The following MAF variants were observed in gnomAD, a reference collection of about 807,000 sequenced individuals.
The protein encoded by MAF is MAF bZIP transcription factor, also known as transcription factor Maf.
MAF carries 10 observed loss-of-function variants against 22.0 expected under a neutral mutation model. The observed-to-expected ratio is 0.45, with a 90% CI of 0.28 to 0.77. MAF has a LOEUF of 0.77. Ranked by LOEUF, MAF falls within the 30% of genes least tolerant of loss-of-function variation. The pLI, the probability that MAF is intolerant of heterozygous loss-of-function variation, is 0.12. For synonymous variants in MAF, 337 were observed against 255.8 expected, an observed-to-expected ratio of 1.32 and a Z score of -3.03; for missense variants, 544 against 548.4, an observed-to-expected ratio of 0.99 and a Z score of 0.08.
At chr16:79,546,762 T>TGC in the MAF span, among the ~76,000 whole-genome samples, 1 of 152,170 alleles carries the variant, frequency 6.6e-6, no homozygotes, top group Non-Finnish European at 1.5e-5. Context: ...CTGCCTCGTG[T>TGC]GCATATGTGT....
At chr16:79,560,067 G>C in the MAF span, among the ~76,000 whole-genome samples, 1 of 152,062 alleles carries the variant, frequency 6.6e-6, no homozygotes, top group Non-Finnish European at 1.5e-5. Context: ...ACCATGTGTG[G>C]CTGATTATTT....
the MAF span, among the ~76,000 whole-genome samples, chr16:79,491,853 G>A: frequency 7.8e-4 from 119 of 152,068 alleles, no homozygotes; most frequent in Non-Finnish European, 1.6e-3. Flanking sequence ...GAGGAAAGGG[G>A]GATTTTAGTG....
the MAF span, among the ~76,000 whole-genome samples, chr16:79,237,921 A>G: frequency 2.6e-5 from 4 of 152,228 alleles, no homozygotes; most frequent in Admixed American, 1.3e-4. Flanking sequence ...GTGGCTCAGC[A>G]TCCCATCATG....
At chr16:79,452,070 T>C in the MAF span, among the ~76,000 whole-genome samples, 4 of 152,188 alleles carry the variant, frequency 2.6e-5, no homozygotes, top group Non-Finnish European at 5.9e-5. Flanking sequence ...CACATTCATT[T>C]GTTTACATAT....
rs567722957 is a variant in MAF at position 79,597,207 on chromosome 16, A to G, written c.1118+1578T>C. The G allele has an allele frequency of 2.4e-5, 25 of 1,053,062 alleles. No homozygotes were observed. In the Middle Eastern group the frequency reaches 1.3e-3, roughly 54 times the overall value. 65.2% of individuals were successfully genotyped at this position (1,053,062 alleles called of 1,614,324 possible). ...TGCATCAATCGTTTAAAAAATCTAC[A>G]GCTAAACAGACCTAACTCTTTCAAA... On this transcript the variant is annotated intron_variant, in intron 1 of 1. Transcript: ENST00000326043.
the MAF span, among the ~76,000 whole-genome samples, chr16:79,487,244 C>T: frequency 7.4e-4 from 111 of 150,762 alleles, no homozygotes; most frequent in African/African-American, 2.2e-3. Context: ...ACTCCAGTTT[C>T]GTGAAGTTCA....
At chr16:79,399,900 C>T in the MAF span, among the ~76,000 whole-genome samples, 252 of 152,286 alleles carry the variant, frequency 1.7e-3, 3 homozygotes, top group African/African-American at 5.8e-3. Flanking sequence ...CAATAAATTA[C>T]GTGGCCACAC....
the MAF span, among the ~76,000 whole-genome samples, chr16:79,409,264 C>T: frequency 1.3e-4 from 20 of 152,250 alleles, no homozygotes; most frequent in African/African-American, 4.8e-4. Context: ...TCAATAAATG[C>T]CTTTTAACTG....
At chr16:79,496,023 G>C in the MAF span, among the ~76,000 whole-genome samples, 1 of 152,162 alleles carries the variant, frequency 6.6e-6, no homozygotes, top group Admixed American at 6.5e-5. Flanking sequence ...GATAACCATA[G>C]TCTTGGCCAC....
At chr16:79,353,141 A>G in the MAF span, among the ~76,000 whole-genome samples, 1 of 150,706 alleles carries the variant, frequency 6.6e-6, no homozygotes, top group Non-Finnish European at 1.5e-5. Flanking sequence ...TTTTTTTTCA[A>G]GACAGGGTCT....
the MAF span, among the ~76,000 whole-genome samples, chr16:79,253,037 A>G: frequency 6.6e-6 from 1 of 152,246 alleles, no homozygotes; most frequent in South Asian, 2.1e-4. Context: ...TATTGTGCAG[A>G]TTAAATGAGA....
the MAF span, among the ~76,000 whole-genome samples, chr16:79,551,561 A>G: frequency 6.6e-6 from 1 of 151,860 alleles, no homozygotes; most frequent in Admixed American, 6.6e-5. Flanking sequence ...TAAATCCCTC[A>G]TTTCCCTTCC....
chr16:79,482,295 T>C, the MAF span, among the ~76,000 whole-genome samples: 11 of 152,172 alleles, frequency 7.2e-5, no homozygotes, highest in African/African-American at 2.7e-4. Flanking sequence ...TGGGGGTTCA[T>C]TTCCTTCTGT....
the MAF span, among the ~76,000 whole-genome samples, chr16:79,209,419 G>T: frequency 1.3e-5 from 2 of 152,314 alleles, no homozygotes; most frequent in Non-Finnish European, 2.9e-5. Flanking sequence ...TTCCCAAACG[G>T]ACTGCTTTGG....
chr16:79,406,823 G>A, the MAF span, among the ~76,000 whole-genome samples: 1 of 152,210 alleles, frequency 6.6e-6, no homozygotes, highest in Admixed American at 6.5e-5. Context: ...CCCAAGAAGG[G>A]CAGAGCCGCT....
the MAF span, among the ~76,000 whole-genome samples, chr16:79,404,677 T>C: frequency 6.6e-6 from 1 of 152,002 alleles, no homozygotes; most frequent in African/African-American, 2.4e-5. Context: ...TATTCTTAAC[T>C]GTGAGTGAGA....
the MAF span, among the ~76,000 whole-genome samples, chr16:79,477,482 A>G: frequency 1.3e-5 from 2 of 152,124 alleles, no homozygotes; most frequent in Non-Finnish European, 2.9e-5. Context: ...TGAGAAAACC[A>G]CCTTGAAAGC....
chr16:79,503,781 C>A, the MAF span, among the ~76,000 whole-genome samples: 1 of 152,114 alleles, frequency 6.6e-6, no homozygotes, highest in Admixed American at 6.5e-5. Flanking sequence ...TTGCTTGGTC[C>A]GTGTTTCTGC....
At chr16:79,375,607 G>C in the MAF span, among the ~76,000 whole-genome samples, 2 of 152,102 alleles carry the variant, frequency 1.3e-5, no homozygotes, top group Non-Finnish European at 2.9e-5. Context: ...TGGTAATGAT[G>C]ATGATGAAGG....
Sources: allele counts gnomAD v4.1 joint callset (sites outside exome capture counted in the v4.1 genomes callset), GRCh38; gene constraint gnomAD v4.1.1; transcripts MANE v1.5; gene names NCBI Gene and HGNC (gene_info 2026-07-23, HGNC 2026-07-21).